Variants in METTL8 observed in about 807,000 individuals in gnomAD.
The protein encoded by METTL8 is methyltransferase 8, tRNA N3-cytidine, also known as tRNA N(3)-cytidine methyltransferase METTL8, mitochondrial.
Under a neutral mutation model 48.7 loss-of-function variants are expected in METTL8, and 32 were observed. The ratio of observed to expected loss-of-function variants is 0.66; its 90% confidence interval spans 0.50 to 0.88. The LOEUF is 0.88. Ranked by LOEUF, METTL8 falls within the 40% of genes least tolerant of loss-of-function variation. The probability of loss-of-function intolerance (pLI) is 0.00; values close to 1 mark genes in which losing one functional copy is unlikely to be tolerated. For synonymous variants in METTL8, 136 were observed against 157.1 expected, an observed-to-expected ratio of 0.87 and a Z score of 1.01; for missense variants, 464 against 474.4, an observed-to-expected ratio of 0.98 and a Z score of 0.20.
intron 7 of METTL8, among the ~76,000 whole-genome samples, chr2:171,327,739 GA>G (rs1291245533): frequency 6.6e-6 from 1 of 151,984 alleles, no homozygotes; most frequent in African/African-American, 2.4e-5. Context: ...GGACATAAAA[GA>G]AAAAAGAAAC....
chr2:171,348,574 A>C (rs77101972), intron 3 of METTL8, among the ~76,000 whole-genome samples: 2,150 of 152,292 alleles, frequency 0.014, 58 homozygotes, highest in African/African-American at 0.047. Flanking sequence ...CTATTGTATT[A>C]GAAGCCAGAA....
intron 2 of METTL8, among the ~76,000 whole-genome samples, chr2:171,378,657 A>C (rs1481608731): frequency 6.6e-6 from 1 of 152,118 alleles, no homozygotes; most frequent in East Asian, 1.9e-4. Context: ...AAAATAAAAA[A>C]AGAAGGGTAT....
At chr2:171,391,672 G>A (rs1688590583) in intron 2 of METTL8, among the ~76,000 whole-genome samples, 2 of 152,164 alleles carry the variant, frequency 1.3e-5, no homozygotes, top group Non-Finnish European at 2.9e-5. Flanking sequence ...GTACTGATCT[G>A]CATTTGCTGG....
At chr2:171,431,883 C>T (rs1399240961) in intron 1 of METTL8, among the ~76,000 whole-genome samples, 2 of 152,212 alleles carry the variant, frequency 1.3e-5, no homozygotes, top group African/African-American at 4.8e-5. Flanking sequence ...GTTGCCTGAC[C>T]CATTTGGTTA....
chr2:171,356,959 T>TTTTTTTTTTTTTTTTC, intron 3 of METTL8, among the ~76,000 whole-genome samples: 2 of 123,200 alleles, frequency 1.6e-5, no homozygotes, highest in African/African-American at 6.0e-5. Flanking sequence ...AATATTTTTT[T>TTTTTTTTTTTTTTTTC]TTTTTTTTTT....
intron 2 of METTL8, among the ~76,000 whole-genome samples, chr2:171,378,945 C>T (rs1687245085): frequency 6.6e-6 from 1 of 152,230 alleles, no homozygotes; most frequent in South Asian, 2.1e-4. Flanking sequence ...CCCCAGACAA[C>T]AGATTATATA....
At chr2:171,422,389 T>C (rs1691963163) in intron 1 of METTL8, among the ~76,000 whole-genome samples, 1 of 152,198 alleles carries the variant, frequency 6.6e-6, no homozygotes, top group South Asian at 2.1e-4. Context: ...CTTTAAAACC[T>C]AGAAAAAGAA....
intron 6 of METTL8, among the ~76,000 whole-genome samples, chr2:171,331,096 C>A (rs1010295716): frequency 1.3e-5 from 2 of 152,092 alleles, no homozygotes; most frequent in African/African-American, 4.8e-5. Flanking sequence ...CTGGTCATTT[C>A]TTGTGTGTTG....
intron 5 of METTL8, among the ~76,000 whole-genome samples, chr2:171,336,515 C>T (rs1211346112): frequency 7.0e-6 from 1 of 142,540 alleles, no homozygotes. Context: ...CATTCTCCTG[C>T]CTCAGCCTCC....
At chr2:171,362,598 T>TC (rs1321787916) in intron 2 of METTL8, among the ~76,000 whole-genome samples, 10 of 151,144 alleles carry the variant, frequency 6.6e-5, no homozygotes, top group African/African-American at 1.7e-4. Context: ...AATAAATAAA[T>TC]AAATCAAAAT....
At chr2:171,405,361 G>C (rs1388408013) in intron 1 of METTL8, among the ~76,000 whole-genome samples, 1 of 152,128 alleles carries the variant, frequency 6.6e-6, no homozygotes, top group Non-Finnish European at 1.5e-5. Context: ...AGAGGGGTTA[G>C]TTTATGGGAC....
chr2:171,363,637 C>A (rs1049196433), intron 2 of METTL8, among the ~76,000 whole-genome samples: 14 of 150,284 alleles, frequency 9.3e-5, no homozygotes, highest in African/African-American at 3.4e-4. Flanking sequence ...ATATTAATAG[C>A]AAAAAATTAG....
At chr2:171,425,430 G>A (rs1030558978) in intron 1 of METTL8, among the ~76,000 whole-genome samples, 3 of 152,152 alleles carry the variant, frequency 2.0e-5, no homozygotes, top group Admixed American at 2.0e-4. Flanking sequence ...TTACTTTTAT[G>A]TAAGACCTCA....
chr2:171,353,782 C>G (rs1313853899), intron 3 of METTL8, among the ~76,000 whole-genome samples: 1 of 151,994 alleles, frequency 6.6e-6, no homozygotes, highest in Non-Finnish European at 1.5e-5. Flanking sequence ...GGATTGCAAC[C>G]CCTGCTTTTT....
At chr2:171,432,831 AT>A (rs1164597180) in intron 1 of METTL8, among the ~76,000 whole-genome samples, 4 of 152,234 alleles carry the variant, frequency 2.6e-5, no homozygotes, top group Non-Finnish European at 5.9e-5. Context: ...AAAATGACAT[AT>A]AACAAAACCA....
intron 3 of METTL8, among the ~76,000 whole-genome samples, chr2:171,358,470 C>T (rs1275630690): frequency 2.0e-5 from 3 of 151,944 alleles, no homozygotes; most frequent in Non-Finnish European, 4.4e-5. Flanking sequence ...GACACATTGA[C>T]TGATGGAAGA....
intron 1 of METTL8, among the ~76,000 whole-genome samples, chr2:171,416,597 A>T (rs1691338749): frequency 6.6e-6 from 1 of 152,204 alleles, no homozygotes; most frequent in Non-Finnish European, 1.5e-5. Context: ...ATTAGCCTTT[A>T]CTCTGGTTGA....
intron 1 of METTL8, among the ~76,000 whole-genome samples, chr2:171,406,059 C>T (rs1372796941): frequency 6.6e-6 from 1 of 152,196 alleles, no homozygotes; most frequent in African/African-American, 2.4e-5. Flanking sequence ...CTCCCTACTT[C>T]CCATAGCTCA....
At chr2:171,359,371 T>G (rs1041063209) in intron 3 of METTL8, among the ~76,000 whole-genome samples, 1 of 152,152 alleles carries the variant, frequency 6.6e-6, no homozygotes, top group Non-Finnish European at 1.5e-5. Flanking sequence ...GAATGGATGC[T>G]GGTGAGGATG....
Sources: allele counts gnomAD v4.1 joint callset (sites outside exome capture counted in the v4.1 genomes callset), GRCh38; gene constraint gnomAD v4.1.1; transcripts MANE v1.5; gene names NCBI Gene and HGNC (gene_info 2026-07-23, HGNC 2026-07-21).